Variants in MRPL2 observed in about 807,000 individuals in gnomAD.
MRPL2 encodes the protein mitochondrial ribosomal protein L2, also known as large ribosomal subunit protein uL2m.
In MRPL2, 27 loss-of-function variants were observed where a neutral mutation model predicts 34.6. That is an observed-to-expected ratio of 0.78 (90% CI 0.58 to 1.08). The LOEUF is 1.08. Among genes scored for constraint, MRPL2 ranks in the 50% least tolerant of loss-of-function variants. The pLI, the probability that MRPL2 is intolerant of heterozygous loss-of-function variation, is 0.00. For synonymous variants in MRPL2, 155 were observed against 158.0 expected (o/e 0.98, Z 0.14); for missense variants, 414 against 419.3 (o/e 0.99, Z 0.11).
rs564355275 is a variant in MRPL2 at position 43,059,217 on chromosome 6, G to A, written c.96+69C>T. 8 of 1,550,900 alleles carry A rather than the reference G, an allele frequency of 5.2e-6. No homozygotes were observed. The East Asian group carries it at 1.2e-4, about 24-fold the overall frequency. ...TGACCAGACTCGCAACTCCCGCCTC[G>A]CATGCCCGCAGACCCCATCTCCGGC... On this transcript the variant is annotated intron_variant, in intron 1 of 6. Coordinates refer to ENST00000388752, the MANE Select transcript of MRPL2 (RefSeq NM_015950.5).
Position 43,058,212 on chromosome 6 carries a change from G to A in MRPL2, c.118C>T (p.Gln40Ter). 3 of 1,614,090 alleles carry A rather than the reference G, an allele frequency of 1.9e-6. No individual in the cohort carries two copies. Among genetic ancestry groups the A allele is most frequent in the Non-Finnish European group, 2.5e-6 (3 of 1,180,022 alleles). ...AGCAACATCAAGGCAGAGGGCTGTT[G>A]GAGGAGGCCATTGTTCATCATCTAG... ...AAQMMNNGLL[Q>*]QPSALMLLPC... is the part of the protein sequence containing the mutation. The change falls in exon 2 of 7, where the codon CAA becomes TAA. Residue 40 changes from glutamine to a stop codon, truncating the protein, a stop_gained. Coordinates refer to ENST00000388752, the MANE Select transcript of MRPL2 (RefSeq NM_015950.5). LOFTEE classifies it high-confidence loss of function.
chr6:43,057,304 C>T (rs1019629066), intron 2 of MRPL2, among the ~76,000 whole-genome samples: 8 of 152,086 alleles, frequency 5.3e-5, no homozygotes, highest in African/African-American at 1.7e-4. Context: ...CCTCAGCCTC[C>T]TGAGTAGCTG....
At position 43,058,100 on chromosome 6, in the gene MRPL2, A is replaced by G; in HGVS notation, c.230T>C (p.Val77Ala). ...TCGGCCCCCAGACTTCCTCATCTTC[A>G]CTGGTGTAATGGTGTACTTGGTACG... ...KSRTKYTITPVKMRKSGGRDH... is the reference protein window; with the variant it reads ...KSRTKYTITPAKMRKSGGRDH... Residue 77 changes from valine (V) to alanine (A), a missense_variant, in exon 2 of 7, where the codon GTG becomes GCG. Transcript: ENST00000388752. 1.2e-6 allele frequency: 2 copies of G among 1,614,016 alleles called. No individual in the cohort carries two copies. The highest frequency in any genetic ancestry group is 2.7e-5 in the African/African-American group (2 of 74,980).
upstream of MRPL2, chr6:43,059,593 CA>C: frequency 2.8e-6 from 4 of 1,414,974 alleles, no homozygotes; most frequent in Non-Finnish European, 3.7e-6. Flanking sequence ...CCCGCCCCCC[CA>C]GACCCGTCAA....
At chr6:43,055,224 T>G (rs142386113) in intron 6 of MRPL2, among the ~76,000 whole-genome samples, 1 of 150,410 alleles carries the variant, frequency 6.6e-6, no homozygotes, top group African/African-American at 2.5e-5. Context: ...TAGCTGGCTG[T>G]GGTGGTGCGT....
rs1764729384 is a variant in MRPL2 at position 43,054,247 on chromosome 6, G to GC, written c.*26_*27insG. The GC allele has an allele frequency of 3.6e-6, 5 of 1,392,318 alleles. No homozygotes were observed. The African/African-American group carries it at 5.8e-5, about 16-fold the overall frequency. The allele number at this position is 1,392,318 out of a possible 1,614,324, so 86.2% of individuals were successfully genotyped here. ...CAGTAACAGATTAAAACGGGGGGGG[G>GC]GGGCATTTTATTAGAGTACAGGGAT... On this transcript the variant is annotated 3_prime_UTR_variant, in exon 7 of 7. Coordinates refer to ENST00000388752, the MANE Select transcript of MRPL2 (RefSeq NM_015950.5).
Position 43,059,324 on chromosome 6 carries a change from C to A in MRPL2, c.58G>T (p.Val20Phe), listed in dbSNP as rs1237332298. 6 of 1,551,762 alleles carry A rather than the reference C, an allele frequency of 3.9e-6. No individual in the cohort carries two copies. In the East Asian group the frequency reaches 1.5e-4, roughly 38 times the overall value. ...LRSLNLAPPT[V>F]AAPAPSLFPA... ...AACAGACTCGGGGCAGGGGCGGCGA[C>A]GGTCGGGGGCGCCAGGTTCAGAGAG... Residue 20 changes from valine to phenylalanine, a missense_variant, in exon 1 of 7, where the codon GTC becomes TTC. Transcript: ENST00000388752.
At position 43,056,312 on chromosome 6, in the gene MRPL2, G is replaced by C; in HGVS notation, c.399C>G (p.Pro133=). Reference sequence around the variant, plus strand: ...ATCCCACATCCCAAACTTGCCTACAGGGATCATAGCGGACTTGGATAACCT... The same window carrying C: ...ATCCCACATCCCAAACTTGCCTACACGGATCATAGCGGACTTGGATAACCT... The part of the protein sequence containing the change: ...EEKVIQVRYD[P]CRSADIALVA... The change falls in exon 3 of 7, where the codon CCC becomes CCG. Residue 133 remains proline, a synonymous_variant. Coordinates refer to ENST00000388752, the MANE Select transcript of MRPL2 (RefSeq NM_015950.5). The C allele has an allele frequency of 6.2e-7, 1 of 1,614,206 alleles. No homozygotes were observed. The highest frequency in any genetic ancestry group is 8.5e-7 in the Non-Finnish European group (1 of 1,180,042).
intron 1 of MRPL2, chr6:43,058,978 G>A: frequency 3.0e-6 from 2 of 675,722 alleles, no homozygotes; most frequent in Non-Finnish European, 4.9e-6. Context: ...TATTTGAAAG[G>A]AGTTCATTTA....
In MRPL2 at chr6:43,059,041, T is replaced by C. The variant is rs1764987678; in HGVS notation, c.96+245A>G. 4.2e-5 allele frequency: 51 copies of C among 1,227,286 alleles called. No individual in the cohort carries two copies. The South Asian group carries it at 7.7e-4, about 19-fold the overall frequency. The allele number at this position is 1,227,286 out of a possible 1,614,324, so 76.0% of individuals were successfully genotyped here. A position where few individuals can be genotyped will look rare whatever the true frequency, so the allele number is the denominator to read the frequency against. ...CTTATCATAGGCACTCGAAACGTTATTACTGAAACCTGCACAACCGGTGAT... is the reference window on the plus strand; with the variant it reads ...CTTATCATAGGCACTCGAAACGTTACTACTGAAACCTGCACAACCGGTGAT... On this transcript the variant is annotated intron_variant, in intron 1 of 6. Transcript: ENST00000388752.
intron 2 of MRPL2, 159 bp downstream of exon 2, chr6:43,057,902 ACTCT>A: frequency 2.9e-6 from 2 of 700,784 alleles, no homozygotes; most frequent in South Asian, 2.1e-5. Context: ...TTTGTATTCT[ACTCT>A]CTGACTCCTG....
chr6:43,058,646 G>A (rs1258469348), intron 1 of MRPL2, among the ~76,000 whole-genome samples: 1 of 152,176 alleles, frequency 6.6e-6, no homozygotes, highest in Non-Finnish European at 1.5e-5. Context: ...GGTTGATTTG[G>A]ATTTGAATTT....
Position 43,054,070 on chromosome 6 carries a change from T to G in MRPL2, c.*204A>C. 4.7e-6 allele frequency: 3 copies of G among 635,916 alleles called. No individual in the cohort carries two copies. The highest frequency in any genetic ancestry group is 8.1e-6 in the Non-Finnish European group (3 of 371,556). 39.4% of individuals were successfully genotyped at this position (635,916 alleles called of 1,614,324 possible). On this transcript the variant is annotated 3_prime_UTR_variant, in exon 7 of 7. Transcript: ENST00000388752. ...TATTTCCATCCCCGGCTCCATTACT[T>G]GTAAGGGAATTGGGGTGGGGACAGA...
At chr6:43,059,460 A>G (rs1765015499), upstream of MRPL2, 1 of 1,467,022 alleles carries the variant, frequency 6.8e-7, no homozygotes, top group South Asian at 1.4e-5. Context: ...TCGCTCCGCA[A>G]TAACGTAAAA....
In MRPL2 at chr6:43,056,429, A is replaced by G. The variant is rs1438731390; in HGVS notation, c.282T>C (p.His94=). The G allele has an allele frequency of 6.2e-7, 1 of 1,614,114 alleles. No individual in the cohort carries two copies. Among genetic ancestry groups the G allele is most frequent in the South Asian group, 1.1e-5 (1 of 91,076 alleles). The change falls in exon 3 of 7, where the codon CAT becomes CAC. Residue 94 remains histidine, a synonymous_variant. Transcript: ENST00000388752. Reference sequence around the variant, plus strand: ...GTTGCTTGTGGCCCCCGCCAATACCATGCACCCGGATTCGGCCTGTGGTTT... The same window carrying G: ...GTTGCTTGTGGCCCCCGCCAATACCGTGCACCCGGATTCGGCCTGTGGTTT... ...GRDHTGRIRV[H]GIGGGHKQRY...
At position 43,058,240 on chromosome 6, in the gene MRPL2, A is replaced by AT; in HGVS notation, c.97-8dup. ...GGAGGCCATTGTTCATCATCTAGGG[A>AT]TAAAAAGACATCTCTTTCATTTGAA... is the stretch of plus-strand genomic sequence containing the variant. On this transcript the variant is annotated splice_region_variant and splice_polypyrimidine_tract_variant and intron_variant, in intron 1 of 6. Transcript: ENST00000388752. 6.2e-7 allele frequency: 1 copy of AT among 1,612,816 alleles called. No homozygotes were observed. The highest frequency in any genetic ancestry group is 8.5e-7 in the Non-Finnish European group (1 of 1,179,072).
At chr6:43,057,871 C>T in intron 2 of MRPL2, 194 bp downstream of exon 2, 1 of 556,818 alleles carries the variant, frequency 1.8e-6, no homozygotes, top group Non-Finnish European at 3.1e-6. Flanking sequence ...TCTTTAGAAG[C>T]ATAGACCAAT....
At position 43,054,192 on chromosome 6, in the gene MRPL2, A is replaced by C. The variant is rs904220035; in HGVS notation, c.*82T>G. 1.8e-5 allele frequency: 21 copies of C among 1,139,356 alleles called. No individual in the cohort carries two copies. Among genetic ancestry groups the C allele is most frequent in the Middle Eastern group, 2.9e-4 (1 of 3,422 alleles). The allele number at this position is 1,139,356 out of a possible 1,614,324, so 70.6% of individuals were successfully genotyped here. On this transcript the variant is annotated 3_prime_UTR_variant, in exon 7 of 7. Transcript: ENST00000388752. ...CCCCGCAAAAAAAAAACAACAACAA[A>C]AAAAACAAAAAACACCCAAAACAAA...
At chr6:43,058,414 G>A (rs1273850453) in intron 1 of MRPL2, among the ~76,000 whole-genome samples, 181 bp from the exon 2 acceptor site, 3 of 152,118 alleles carry the variant, frequency 2.0e-5, no homozygotes, top group African/African-American at 7.2e-5. Flanking sequence ...TCTCCTTGGT[G>A]ATCTCCTTCC....
Sources: allele counts gnomAD v4.1 joint callset (sites outside exome capture counted in the v4.1 genomes callset), GRCh38; gene constraint gnomAD v4.1.1; transcripts MANE v1.5; gene names NCBI Gene and HGNC (gene_info 2026-07-23, HGNC 2026-07-21).